Variants in DCDC1 observed in about 807,000 individuals in gnomAD.
The protein encoded by DCDC1 is doublecortin domain-containing protein 1.
A neutral mutation model predicts 178.3 loss-of-function variants in DCDC1; 200 were observed. The ratio of observed to expected loss-of-function variants is 1.12; its 90% confidence interval spans 1.00 to 1.26. The LOEUF (loss-of-function observed/expected upper bound fraction) is 1.26, where lower values mean the gene tolerates loss of function less well. Among genes scored for constraint, DCDC1 ranks in the 50% most tolerant of loss-of-function variants. The probability of loss-of-function intolerance (pLI) is 0.00; values close to 1 mark genes in which losing one functional copy is unlikely to be tolerated. For missense variants in DCDC1, 1,983 were observed against 1,749.2 expected (o/e 1.13, Z -2.38); for synonymous variants, 690 against 604.8 (o/e 1.14, Z -2.07).
At chr11:30,899,517 A>G in intron 34 of DCDC1, 24 bp downstream of exon 34, 3 of 1,412,294 alleles carry the variant, frequency 2.1e-6, no homozygotes, top group South Asian at 1.7e-5. Flanking sequence ...AAATATGGTT[A>G]TGCTTGATAT....
intron 20 of DCDC1, among the ~76,000 whole-genome samples, chr11:31,059,228 T>G (rs1955781318): frequency 6.6e-6 from 1 of 152,158 alleles, no homozygotes; most frequent in Admixed American, 6.6e-5. Flanking sequence ...ATTTTTGACT[T>G]TGTTTCAAAG....
At chr11:30,956,038 T>C (rs79489460) in intron 20 of DCDC1, among the ~76,000 whole-genome samples, 2,348 of 152,256 alleles carry the variant, frequency 0.015, 63 homozygotes, top group African/African-American at 0.053. Context: ...GTCACAATGA[T>C]TAGATGACAC....
chr11:31,335,740 A>T (rs1950240547), intron 1 of DCDC1, among the ~76,000 whole-genome samples, 176 bp from the exon 2 acceptor site: 1 of 152,206 alleles, frequency 6.6e-6, no homozygotes, highest in Non-Finnish European at 1.5e-5. Flanking sequence ...GTTGGGGACC[A>T]GTACCTGGAG....
At chr11:30,934,110 T>C (rs1353107785) in intron 21 of DCDC1, among the ~76,000 whole-genome samples, 4 of 152,226 alleles carry the variant, frequency 2.6e-5, no homozygotes, top group Non-Finnish European at 5.9e-5. Context: ...TGAATCTTTG[T>C]TGATTACAAT....
At chr11:31,215,163 C>A in intron 9 of DCDC1, 1 of 253,810 alleles carries the variant, frequency 3.9e-6, no homozygotes, top group Middle Eastern at 1.4e-3. Context: ...AGTGCAGTGG[C>A]TCACACCTGT....
At chr11:30,891,892 T>C (rs1943807018) in intron 36 of DCDC1, among the ~76,000 whole-genome samples, 1 of 152,192 alleles carries the variant, frequency 6.6e-6, no homozygotes, top group African/African-American at 2.4e-5. Context: ...ACTGGATTAA[T>C]GTCCAGGGGC....
intron 15 of DCDC1, among the ~76,000 whole-genome samples, chr11:31,098,989 T>C (rs1287396316): frequency 6.6e-6 from 1 of 152,240 alleles, no homozygotes; most frequent in African/African-American, 2.4e-5. Context: ...CACTAAATCA[T>C]TAGAACCATT....
intron 20 of DCDC1, among the ~76,000 whole-genome samples, chr11:30,978,609 T>G (rs556956680): frequency 6.6e-6 from 1 of 152,300 alleles, no homozygotes; most frequent in South Asian, 2.1e-4. Flanking sequence ...GTTTATCATT[T>G]CTATGTGTTG....
At chr11:30,948,086 A>T (rs1948168633) in intron 21 of DCDC1, among the ~76,000 whole-genome samples, 1 of 152,158 alleles carries the variant, frequency 6.6e-6, no homozygotes, top group South Asian at 2.1e-4. Context: ...AGATAACATG[A>T]TTGTATATTT....
chr11:30,879,618 T>C (rs990084386), intron 37 of DCDC1, among the ~76,000 whole-genome samples: 2 of 152,208 alleles, frequency 1.3e-5, no homozygotes, highest in Non-Finnish European at 2.9e-5. Context: ...TCTATGTATT[T>C]ATAAAATTGA....
intron 20 of DCDC1, among the ~76,000 whole-genome samples, chr11:30,954,967 GA>G (rs747226074): frequency 2.0e-5 from 3 of 152,188 alleles, no homozygotes; most frequent in Non-Finnish European, 4.4e-5. Context: ...AAGAGAAATG[GA>G]AAGTTCATTA....
At chr11:31,037,287 C>T (rs17333520) in intron 20 of DCDC1, among the ~76,000 whole-genome samples, 42,543 of 152,060 alleles carry the variant, frequency 0.28, 7,214 homozygotes, top group Non-Finnish European at 0.37. Context: ...TTCCCAGAGA[C>T]TCCTGAAATT....
chr11:31,013,989 A>G (rs1439325412), intron 20 of DCDC1, among the ~76,000 whole-genome samples: 4 of 152,182 alleles, frequency 2.6e-5, no homozygotes, highest in Non-Finnish European at 5.9e-5. Flanking sequence ...GCCTCCTGGC[A>G]TTTCCAACCT....
chr11:30,923,112 C>G (rs1173017535), intron 23 of DCDC1, among the ~76,000 whole-genome samples: 1 of 151,972 alleles, frequency 6.6e-6, no homozygotes, highest in African/African-American at 2.4e-5. Flanking sequence ...GCGAACTATC[C>G]CTAAAACCCA....
At position 30,900,328 on chromosome 11, in the gene DCDC1, C is replaced by CA. The variant is rs1554962946; in HGVS notation, c.4663+17dup. ...CTTCATATACTTGCTTGAAAGAAAG[C>CA]AAAAACAAAAAAGTTACCATTTGGA... On this transcript the variant is annotated intron_variant, in intron 33 of 38. Transcript: ENST00000684477. 2 of 1,488,980 alleles carry CA rather than the reference C, an allele frequency of 1.3e-6. No individual in the cohort carries two copies. Among genetic ancestry groups the CA allele is most frequent in the Non-Finnish European group, 1.8e-6 (2 of 1,116,824 alleles). The allele number at this position is 1,488,980 out of a possible 1,614,324, so 92.2% of individuals were successfully genotyped here. A position where few individuals can be genotyped will look rare whatever the true frequency, so the allele number is the denominator to read the frequency against.
chr11:31,228,294 C>A (rs1329938831), intron 9 of DCDC1, among the ~76,000 whole-genome samples: 1 of 151,808 alleles, frequency 6.6e-6, no homozygotes, highest in Non-Finnish European at 1.5e-5. Flanking sequence ...AAAATAATGG[C>A]AAATTAAACA....
chr11:30,953,879 C>G (rs1042234537), intron 20 of DCDC1, among the ~76,000 whole-genome samples: 7 of 150,640 alleles, frequency 4.6e-5, no homozygotes, highest in African/African-American at 1.7e-4. Context: ...AAATCTCTTG[C>G]AAATAAATCT....
Position 30,920,794 on chromosome 11 carries a change from T to G in DCDC1, c.3275A>C (p.Asn1092Thr). 1 of 1,613,452 alleles carries G rather than the reference T, an allele frequency of 6.2e-7. No individual in the cohort carries two copies. The highest frequency in any genetic ancestry group is 1.3e-5 in the African/African-American group (1 of 75,046). The part of the protein sequence containing the change: ...QMQEDPLTTE[N>T]ASSEILDSHV... ...TACTTACAGAATTTCACTGGAAGCA[T>G]TTTCCGTTGTTAGAGGATCTTCTTG... Residue 1092 changes from asparagine to threonine, a missense_variant, in exon 25 of 39, where the codon AAT becomes ACT. By Grantham distance (65) the Asn-to-Thr change is moderately conservative (BLOSUM62 0). Coordinates refer to ENST00000684477, the MANE Select transcript of DCDC1 (RefSeq NM_001387274.1).
chr11:31,338,577 C>T (rs1277691154), intron 1 of DCDC1, among the ~76,000 whole-genome samples: 1 of 152,154 alleles, frequency 6.6e-6, no homozygotes, highest in Non-Finnish European at 1.5e-5. Context: ...CTAGCTGAAG[C>T]CTTTTTTCCA....
Sources: gnomAD v4.1 joint callset for allele counts (sites outside exome capture counted in the v4.1 genomes callset) on GRCh38, gnomAD v4.1.1 for gene constraint, MANE v1.5 for transcripts, NCBI Gene and HGNC (gene_info 2026-07-23, HGNC 2026-07-21) for gene names.